PDE4D: variants seen among roughly 807,000 people sequenced by gnomAD.
The protein encoded by PDE4D is 3',5'-cyclic-AMP phosphodiesterase 4D.
A neutral mutation model predicts 87.4 loss-of-function variants in PDE4D; 24 were observed. The ratio of observed to expected loss-of-function variants is 0.27; its 90% CI spans 0.20 to 0.39. PDE4D has a LOEUF of 0.39. PDE4D is among the 10% of genes least tolerant of loss of function. PDE4D has a pLI of 1.00. For synonymous variants in PDE4D, 384 were observed against 383.2 expected, an observed-to-expected ratio of 1.00 and a Z score of -0.02; for missense variants, 714 against 1,041.0, an observed-to-expected ratio of 0.69 and a Z score of 4.32.
chr5:59,084,009 G>A (rs1767246625), intron 5 of PDE4D, among the ~76,000 whole-genome samples: 1 of 151,992 alleles, frequency 6.6e-6, no homozygotes, highest in South Asian at 2.1e-4. Context: ...GACTTGACAA[G>A]TAGATTGTTT....
chr5:59,365,765 T>TAAG (rs570129186), intron 1 of PDE4D, among the ~76,000 whole-genome samples: 118 of 152,268 alleles, frequency 7.7e-4, no homozygotes, highest in Non-Finnish European at 1.4e-3. Context: ...GCAAGAATCT[T>TAAG]ACCTCGGAAA....
intron 6 of PDE4D, among the ~76,000 whole-genome samples, chr5:59,036,711 TAAAG>T (rs1561360590): frequency 3.3e-5 from 5 of 152,192 alleles, no homozygotes. Context: ...ATAAATAAGT[TAAAG>T]AAGACACGAA....
chr5:59,002,865 C>T (rs10471463), intron 6 of PDE4D, among the ~76,000 whole-genome samples: 15,349 of 152,154 alleles, frequency 0.1, 1,034 homozygotes, highest in Non-Finnish European at 0.13. Flanking sequence ...AGAACAGATA[C>T]ATATGAGGAT....
At chr5:60,388,971 T>A (rs1211905068) in intron 1 of PDE4D, among the ~76,000 whole-genome samples, 1 of 152,190 alleles carries the variant, frequency 6.6e-6, no homozygotes, top group Non-Finnish European at 1.5e-5. Context: ...ACTTCTTTTT[T>A]CTTTTTTTTA....
intron 1 of PDE4D, among the ~76,000 whole-genome samples, chr5:59,320,439 C>G (rs1301012801): frequency 6.6e-6 from 1 of 151,944 alleles, no homozygotes; most frequent in African/African-American, 2.4e-5. Context: ...TATAAGTTAC[C>G]ATTTATGAGA....
chr5:60,460,358 C>A lies in PDE4D; in HGVS notation c.-90+27584G>T, dbSNP rs1233530089. 5 of 994,928 alleles carry A rather than the reference C, an allele frequency of 5.0e-6. No individual in the cohort carries two copies. In the East Asian group the frequency reaches 1.2e-4, roughly 24 times the overall value. The allele number at this position is 994,928 out of a possible 1,614,324, so 61.6% of individuals were successfully genotyped here. A position where few individuals can be genotyped will look rare whatever the true frequency, so the allele number is the denominator to read the frequency against. ...ATTCTGTAACCTGATTTAATATCTT[C>A]AAATTCTGTCATTTCAACTCTGCTC... is the stretch of plus-strand genomic sequence containing the variant. On this transcript the variant is annotated intron_variant, in intron 1 of 16. Coordinates refer to the PDE4D transcript ENST00000502484.
At chr5:60,108,124 C>T (rs1777232134) in intron 2 of PDE4D, among the ~76,000 whole-genome samples, 1 of 151,678 alleles carries the variant, frequency 6.6e-6, no homozygotes, top group South Asian at 2.1e-4. Context: ...CGTCTCAGCC[C>T]AAAATCTCCT....
At chr5:59,476,362 T>A (rs901212442) in intron 1 of PDE4D, among the ~76,000 whole-genome samples, 1 of 152,120 alleles carries the variant, frequency 6.6e-6, no homozygotes, top group Non-Finnish European at 1.5e-5. Flanking sequence ...CAGGAATTCA[T>A]CAAACTGTAA....
At chr5:59,530,345 A>G (rs1421309187) in intron 1 of PDE4D, among the ~76,000 whole-genome samples, 3 of 152,168 alleles carry the variant, frequency 2.0e-5, no homozygotes, top group East Asian at 1.9e-4. Flanking sequence ...CTTGGCCTCA[A>G]TTAGATTACA....
At chr5:59,035,998 C>T (rs573740773) in intron 6 of PDE4D, among the ~76,000 whole-genome samples, 2 of 152,298 alleles carry the variant, frequency 1.3e-5, no homozygotes, top group African/African-American at 4.8e-5. Context: ...GCTTCAATGC[C>T]ATCAACAAGC....
chr5:60,019,644 T>A (rs1200902949), intron 2 of PDE4D, among the ~76,000 whole-genome samples: 1 of 152,202 alleles, frequency 6.6e-6, no homozygotes, highest in African/African-American at 2.4e-5. Context: ...CTGACTTTTC[T>A]CCTTCAGCTT....
intron 1 of PDE4D, among the ~76,000 whole-genome samples, chr5:59,261,752 T>C (rs1423700214): frequency 6.6e-6 from 1 of 151,802 alleles, no homozygotes; most frequent in Non-Finnish European, 1.5e-5. Flanking sequence ...AAGAAATCTG[T>C]TGGTTTTAAA....
intron 1 of PDE4D, among the ~76,000 whole-genome samples, chr5:60,360,938 GAA>G (rs1760007692): frequency 6.6e-6 from 1 of 152,170 alleles, no homozygotes; most frequent in Non-Finnish European, 1.5e-5. Flanking sequence ...ATTATTTTAG[GAA>G]ATGAACTATC....
chr5:60,218,044 GCTATGTCAA>G (rs1395379334), intron 1 of PDE4D, among the ~76,000 whole-genome samples: 2 of 151,932 alleles, frequency 1.3e-5, no homozygotes, highest in South Asian at 2.1e-4. Context: ...GTTAACTCTA[GCTATGTCAA>G]CTAAAAAATG....
intron 1 of PDE4D, among the ~76,000 whole-genome samples, chr5:60,223,087 T>C (rs1744678613): frequency 6.6e-6 from 1 of 152,140 alleles, no homozygotes; most frequent in Admixed American, 6.6e-5. Flanking sequence ...TTAAGTGTGG[T>C]TGGCACTGCA....
upstream of PDE4D, among the ~76,000 whole-genome samples, chr5:59,897,857 A>G (rs1751827347): frequency 6.6e-6 from 1 of 152,188 alleles, no homozygotes; most frequent in Non-Finnish European, 1.5e-5. Context: ...TACATATCCA[A>G]AGGCATTGAA....
chr5:59,866,447 T>C (rs1188082091), intron 1 of PDE4D, among the ~76,000 whole-genome samples: 1 of 152,172 alleles, frequency 6.6e-6, no homozygotes, highest in Non-Finnish European at 1.5e-5. Context: ...GAATTGCTTA[T>C]TCCATCACAA....
intron 1 of PDE4D, among the ~76,000 whole-genome samples, chr5:60,381,412 T>G (rs572396326): frequency 3.6e-4 from 55 of 152,360 alleles, no homozygotes; most frequent in African/African-American, 1.2e-3. Flanking sequence ...TATCTTTTGC[T>G]TTTCAGATTT....
At chr5:59,016,481 G>A (rs1429104268) in intron 6 of PDE4D, among the ~76,000 whole-genome samples, 1 of 148,774 alleles carries the variant, frequency 6.7e-6, no homozygotes, top group Non-Finnish European at 1.5e-5. Flanking sequence ...TAATATGACA[G>A]GTTTTTGTCT....
Sources: allele counts gnomAD v4.1 joint callset (sites outside exome capture counted in the v4.1 genomes callset), GRCh38; gene constraint gnomAD v4.1.1; transcripts MANE v1.5; gene names NCBI Gene and HGNC (gene_info 2026-07-23, HGNC 2026-07-21).